PDE11A: variants seen among roughly 807,000 people sequenced by gnomAD.
PDE11A encodes the protein phosphodiesterase 11A, also known as dual 3',5'-cyclic-AMP and -GMP phosphodiesterase 11A.
PDE11A carries 100 observed loss-of-function variants against 100.5 expected under a neutral mutation model. That is an observed-to-expected ratio of 1.00 (90% CI 0.85 to 1.18). The LOEUF (loss-of-function observed/expected upper bound fraction) is 1.18. Ranked by LOEUF, PDE11A falls within the 50% of genes most tolerant of loss-of-function variation. The pLI is 0.00. For synonymous variants in PDE11A, 381 were observed against 420.8 expected, an observed-to-expected ratio of 0.91 and a Z score of 1.16; for missense variants, 1,141 against 1,152.6, an observed-to-expected ratio of 0.99 and a Z score of 0.15.
intron 2 of PDE11A, among the ~76,000 whole-genome samples, chr2:177,931,861 G>T (rs2085209762): frequency 7.3e-6 from 1 of 136,626 alleles, no homozygotes; most frequent in African/African-American, 2.7e-5. Context: ...AAAACCAAAA[G>T]TTGGTTTTTG....
At chr2:178,025,746 A>G (rs1255986138) in intron 1 of PDE11A, among the ~76,000 whole-genome samples, 1 of 152,192 alleles carries the variant, frequency 6.6e-6, no homozygotes, top group African/African-American at 2.4e-5. Flanking sequence ...ATGCTCTATA[A>G]GCTTTATTGC....
intron 6 of PDE11A, among the ~76,000 whole-genome samples, chr2:177,835,845 C>T (rs1574195057): frequency 6.6e-6 from 1 of 152,190 alleles, no homozygotes; most frequent in African/African-American, 2.4e-5. Context: ...TGTGCTGGGT[C>T]CCCCAGCAGT....
At chr2:177,878,891 A>T (rs1007529300) in intron 4 of PDE11A, among the ~76,000 whole-genome samples, 10 of 152,220 alleles carry the variant, frequency 6.6e-5, no homozygotes, top group African/African-American at 2.4e-4. Flanking sequence ...TACCTCCTAT[A>T]TGCCCAAATT....
At chr2:177,853,059 A>G (rs1378952643) in intron 5 of PDE11A, among the ~76,000 whole-genome samples, 1 of 152,154 alleles carries the variant, frequency 6.6e-6, no homozygotes, top group Non-Finnish European at 1.5e-5. Context: ...ACATTGCTGT[A>G]AGTGATTGGT....
At chr2:178,091,572 C>T (rs2087423781) in intron 2 of PDE11A, among the ~76,000 whole-genome samples, 1 of 152,142 alleles carries the variant, frequency 6.6e-6, no homozygotes. Flanking sequence ...ATAATGATTC[C>T]TGACCTAGTC....
At chr2:178,022,435 T>C (rs1429797084) in intron 1 of PDE11A, among the ~76,000 whole-genome samples, 1 of 152,068 alleles carries the variant, frequency 6.6e-6, no homozygotes, top group Non-Finnish European at 1.5e-5. Flanking sequence ...GTACAGATGC[T>C]CAAAAAGAAG....
At chr2:178,089,509 G>C (rs991653905) in intron 2 of PDE11A, among the ~76,000 whole-genome samples, 16 of 152,220 alleles carry the variant, frequency 1.1e-4, no homozygotes, top group African/African-American at 3.6e-4. Context: ...CTGAAGGCAG[G>C]CCAGAGGATT....
intron 1 of PDE11A, among the ~76,000 whole-genome samples, chr2:178,061,531 G>T (rs1414255385): frequency 1.3e-5 from 2 of 152,092 alleles, no homozygotes; most frequent in Non-Finnish European, 2.9e-5. Context: ...GATCTACCAA[G>T]CGTCTACTCT....
intron 2 of PDE11A, chr2:177,922,862 A>C (rs1373824241): frequency 1.3e-5 from 13 of 978,164 alleles, no homozygotes; most frequent in Non-Finnish European, 1.6e-5. Flanking sequence ...TAGATTATCC[A>C]TGCCCATGTA....
intron 4 of PDE11A, among the ~76,000 whole-genome samples, chr2:177,889,512 G>A (rs1286203141): frequency 6.6e-6 from 1 of 151,464 alleles, no homozygotes; most frequent in Admixed American, 6.6e-5. Flanking sequence ...CATTTGCCAT[G>A]TTCTCTTTAG....
At chr2:177,929,240 C>T (rs74210567) in intron 2 of PDE11A, among the ~76,000 whole-genome samples, 1,734 of 152,264 alleles carry the variant, frequency 0.011, 27 homozygotes, top group East Asian at 0.074. Flanking sequence ...GGTGTAGGCT[C>T]ATACCCTGTT....
At chr2:178,022,538 T>C (rs2086425887) in intron 1 of PDE11A, among the ~76,000 whole-genome samples, 1 of 152,018 alleles carries the variant, frequency 6.6e-6, no homozygotes, top group South Asian at 2.1e-4. Flanking sequence ...ATTGTCTAGG[T>C]AAGGATGGGA....
chr2:177,982,286 C>T (rs2085892827), intron 2 of PDE11A, among the ~76,000 whole-genome samples: 1 of 150,582 alleles, frequency 6.6e-6, no homozygotes, highest in African/African-American at 2.4e-5. Flanking sequence ...TAACTCCACT[C>T]TCATCATGGA....
At chr2:178,076,669 T>C (rs1284326661), upstream of PDE11A, among the ~76,000 whole-genome samples, 1 of 152,254 alleles carries the variant, frequency 6.6e-6, no homozygotes, top group African/African-American at 2.4e-5. Context: ...ACTTTTATTG[T>C]GTGACCACTG....
At chr2:177,857,016 T>C (rs2083845654) in intron 5 of PDE11A, among the ~76,000 whole-genome samples, 1 of 151,936 alleles carries the variant, frequency 6.6e-6, no homozygotes, top group Non-Finnish European at 1.5e-5. Flanking sequence ...AATCAAACTG[T>C]CCTAAGACAA....
At chr2:177,678,284 A>G (rs1400028551) in intron 16 of PDE11A, among the ~76,000 whole-genome samples, 1 of 152,194 alleles carries the variant, frequency 6.6e-6, no homozygotes. Context: ...AGAGGTTCTA[A>G]ATGGTTAGGA....
At chr2:177,924,013 C>G (rs2085091932) in intron 2 of PDE11A, among the ~76,000 whole-genome samples, 1 of 152,250 alleles carries the variant, frequency 6.6e-6, no homozygotes, top group South Asian at 2.1e-4. Flanking sequence ...CATATATTCA[C>G]CAGGTCAAGA....
At chr2:177,708,519 G>C (rs2081313402) in intron 13 of PDE11A, among the ~76,000 whole-genome samples, 1 of 152,136 alleles carries the variant, frequency 6.6e-6, no homozygotes, top group Non-Finnish European at 1.5e-5. Flanking sequence ...GTAACTATCA[G>C]GTACTGGGCT....
chr2:178,090,502 T>C (rs1057261441), intron 2 of PDE11A, among the ~76,000 whole-genome samples: 39 of 146,926 alleles, frequency 2.7e-4, no homozygotes, highest in Non-Finnish European at 2.4e-4. Context: ...ACTCTCCTCA[T>C]ACTATCTTCT....
Sources: allele counts gnomAD v4.1 joint callset (sites outside exome capture counted in the v4.1 genomes callset), GRCh38; gene constraint gnomAD v4.1.1; transcripts MANE v1.5; gene names NCBI Gene and HGNC (gene_info 2026-07-23, HGNC 2026-07-21).